The following KDM2B variants were observed in gnomAD, a reference collection of about 807,000 sequenced individuals.
KDM2B encodes lysine demethylase 2B.
A neutral mutation model predicts 150.0 loss-of-function variants in KDM2B; 26 were observed. The ratio of observed to expected loss-of-function variants is 0.17; its 90% confidence interval spans 0.13 to 0.24. KDM2B has a LOEUF of 0.24. Ranked by LOEUF, KDM2B falls within the 10% of genes least tolerant of loss-of-function variation. The pLI, the probability that KDM2B is intolerant of heterozygous loss-of-function variation, is 1.00. For synonymous variants in KDM2B, 734 were observed against 729.5 expected (o/e 1.01, Z -0.10); for missense variants, 1,265 against 1,816.9 (o/e 0.70, Z 5.52).
chr12:121,441,124 T>C lies in KDM2B; in HGVS notation c.3394A>G (p.Ser1132Gly), dbSNP rs781916451. ...IRRQPVSLDL[S>G]WTNISKKQLS... ...TGCTTCTTGGAGATATTGGTCCAGC[T>C]GAGGTCGAGGGAGACGGGCTGTCGC... The change falls in exon 20 of 23, where the codon AGC (serine) becomes GGC (glycine). Residue 1132 changes from serine to glycine, a missense_variant. Physicochemically the swap from Ser to Gly is moderately conservative, Grantham distance 56. Around this residue, in one of 11 missense-constraint regions of KDM2B, gnomAD observed 251 missense variants for 397.8 expected, o/e 0.63. Transcript: ENST00000377071. 5 of 1,614,174 alleles carry C rather than the reference T, an allele frequency of 3.1e-6. No individual in the cohort carries two copies. The highest frequency in any genetic ancestry group is 2.2e-5 in the South Asian group (2 of 91,090).
At chr12:121,532,411 C>T (rs1202768647) in intron 8 of KDM2B, among the ~76,000 whole-genome samples, 1 of 152,160 alleles carries the variant, frequency 6.6e-6, no homozygotes, top group African/African-American at 2.4e-5. Context: ...AATAGAGGCA[C>T]GAAGAAGTGA....
Position 121,521,687 on chromosome 12 carries a change from CT to C in KDM2B, c.932-588del, listed in dbSNP as rs1886702046. On this transcript the variant is annotated intron_variant, in intron 8 of 22. Coordinates refer to ENST00000377071, the MANE Select transcript of KDM2B (RefSeq NM_032590.5). The surrounding 1 kb of genome is among the most constrained non-coding windows in gnomAD (Gnocchi z 4.9). ...CACAACGCCTGCATGCCCCCCTCAG[CT>C]CTGCCCTCCACTCTGCCCCACAGGC... is the stretch of plus-strand genomic sequence containing the variant. 6.6e-6 allele frequency among the ~76,000 whole-genome samples: 1 copy of C among 152,194 alleles called. No homozygotes were observed. The highest frequency in any genetic ancestry group is 1.5e-5 in the Non-Finnish European group (1 of 68,038).
intron 4 of KDM2B, among the ~76,000 whole-genome samples, chr12:121,565,201 A>G (rs1555314638): frequency 2.6e-5 from 4 of 151,968 alleles, no homozygotes; most frequent in Non-Finnish European, 4.4e-5. Context: ...TCATAAAGCT[A>G]GTTAAGACAG....
At position 121,575,139 on chromosome 12, in the gene KDM2B, G is replaced by A. The variant is rs542581458; in HGVS notation, c.351-546C>T. On this transcript the variant is annotated intron_variant, in intron 3 of 22. Transcript: ENST00000377071. The surrounding 1 kb of genome is among the most constrained non-coding windows in gnomAD (Gnocchi z 4.4). ...AGGTTTAAATCCTACTCACAGGGAT[G>A]GACTCTTGAGCAAGTCTGGGAGCAG... Among the ~76,000 whole-genome samples the A allele has an allele frequency of 2.4e-4, 37 of 152,332 alleles. No homozygotes were observed. In the East Asian group the frequency reaches 7.1e-3, roughly 29 times the overall value.
rs1566302056 is a variant in KDM2B, at chr12:121,467,084, C to T, written c.1735-13740G>A. On this transcript the variant is annotated intron_variant, in intron 12 of 22. Coordinates refer to ENST00000377071, the MANE Select transcript of KDM2B (RefSeq NM_032590.5). This position sits in a 1 kb window ranked among gnomAD's most constrained non-coding sequence, Gnocchi z 5.1. ...GCGGCGGCGGCGGCGTCGCGGCCGC[C>T]CTCGGCGCGTCAGACAGGCGGTCGG... 2 of 919,140 alleles carry T rather than the reference C, an allele frequency of 2.2e-6. No individual in the cohort carries two copies. The highest frequency in any genetic ancestry group is 4.4e-5 in the South Asian group (2 of 45,600). 56.9% of individuals were successfully genotyped at this position (919,140 alleles called of 1,614,324 possible). A position where few individuals can be genotyped will look rare whatever the true frequency, so the allele number is the denominator to read the frequency against.
Position 121,442,018 on chromosome 12 carries a change from G to A in KDM2B, c.3284+139C>T. 1 of 705,008 alleles carries A rather than the reference G, an allele frequency of 1.4e-6. No individual in the cohort carries two copies. Among genetic ancestry groups the A allele is most frequent in the Non-Finnish European group, 2.4e-6 (1 of 416,900 alleles). The allele number at this position is 705,008 out of a possible 1,614,324, so 43.7% of individuals were successfully genotyped here. On this transcript the variant is annotated intron_variant, in intron 19 of 22. Coordinates refer to ENST00000377071, the MANE Select transcript of KDM2B (RefSeq NM_032590.5). This position sits in a 1 kb window ranked among gnomAD's most constrained non-coding sequence, Gnocchi z 7.7. ...AAGACCAGAGGGGCCGCTGTAGCCA[G>A]CTGGAACGCTTTGCGGAGCACAATG...
In KDM2B at chr12:121,467,147, G is replaced by T. The variant is rs1384117269; in HGVS notation, c.1735-13803C>A. 8.0e-6 allele frequency: 9 copies of T among 1,122,994 alleles called. No homozygotes were observed. Among genetic ancestry groups the T allele is most frequent in the Non-Finnish European group, 1.0e-5 (9 of 899,014 alleles). 69.6% of individuals were successfully genotyped at this position (1,122,994 alleles called of 1,614,324 possible). Reference sequence around the variant, plus strand: ...CGGGTCCCTCCCTCAGCCCCACCCCGGGCCGCCGACCTGGTCCGGCTCCGA... The same window carrying T: ...CGGGTCCCTCCCTCAGCCCCACCCCTGGCCGCCGACCTGGTCCGGCTCCGA... On this transcript the variant is annotated intron_variant, in intron 12 of 22. Coordinates refer to ENST00000377071, the MANE Select transcript of KDM2B (RefSeq NM_032590.5). The surrounding 1 kb of genome is among the most constrained non-coding windows in gnomAD (Gnocchi z 5.1).
intron 22 of KDM2B, among the ~76,000 whole-genome samples, chr12:121,438,097 T>C (rs1278133263): frequency 1.3e-5 from 2 of 151,516 alleles, no homozygotes. Flanking sequence ...CTACTAAAAA[T>C]ACAAAACTTA....
chr12:121,437,653 A>AG lies in KDM2B; in HGVS notation c.3829+2203dup, dbSNP rs1236759398. Among the ~76,000 whole-genome samples, 6 of 152,214 alleles carry AG rather than the reference A, an allele frequency of 3.9e-5. No homozygotes were observed. The East Asian group carries it at 5.8e-4, about 15-fold the overall frequency. ...GTGAGGATGGGGTAAAGGGAAAGGC[A>AG]GGGGACTGCCTTGAGCACCCAGTAA... is the stretch of plus-strand genomic sequence containing the variant. On this transcript the variant is annotated intron_variant, in intron 22 of 22. Coordinates refer to ENST00000377071, the MANE Select transcript of KDM2B (RefSeq NM_032590.5).
At chr12:121,502,449 C>A (rs570540052) in intron 11 of KDM2B, among the ~76,000 whole-genome samples, 2 of 152,140 alleles carry the variant, frequency 1.3e-5, no homozygotes, top group South Asian at 4.2e-4. Context: ...TGGCGAAACC[C>A]CACCTCTATT....
intron 1 of KDM2B, 96 bp from the exon 2 acceptor site, chr12:121,579,042 G>A (rs1891729896): frequency 1.5e-6 from 2 of 1,350,808 alleles, no homozygotes; most frequent in Admixed American, 2.0e-5. Flanking sequence ...CAGCAGCCGA[G>A]CGCCCCCTGC....
At chr12:121,457,363 G>C (rs1056238518) in intron 12 of KDM2B, among the ~76,000 whole-genome samples, 3 of 152,072 alleles carry the variant, frequency 2.0e-5, no homozygotes, top group Admixed American at 1.3e-4. Context: ...CCGGGTTCAA[G>C]CAATTCTTGT....
Position 121,532,559 on chromosome 12 carries a change from G to C in KDM2B, c.931+247C>G, listed in dbSNP as rs569200531. ...CAGGAAGTCCTGCACAGGGATTCGA[G>C]TCTCCCCTGAGAGGGCCCAAGGCCT... On this transcript the variant is annotated intron_variant, in intron 8 of 22. Transcript: ENST00000377071. Among the ~76,000 whole-genome samples, 194 of 152,334 alleles carry C rather than the reference G, an allele frequency of 1.3e-3. 1 individual carries two copies. The highest frequency in any genetic ancestry group is 2.3e-3 in the Non-Finnish European group (157 of 68,036).
chr12:121,416,111 C>T, the KDM2B span: 8 of 1,504,794 alleles, frequency 5.3e-6, no homozygotes, highest in Non-Finnish European at 7.4e-6. Context: ...TCCCAGAGAG[C>T]CCAGATTCCA....
At chr12:121,438,151 G>A (rs1470359109) in intron 22 of KDM2B, among the ~76,000 whole-genome samples, 1 of 151,570 alleles carries the variant, frequency 6.6e-6, no homozygotes. Context: ...CTACTCGGGA[G>A]ACTGAGGCAG....
chr12:121,542,959 C>T (rs2141846058), intron 6 of KDM2B, among the ~76,000 whole-genome samples: 1 of 152,330 alleles, frequency 6.6e-6, no homozygotes, highest in East Asian at 1.9e-4. Context: ...AATAAATTAA[C>T]ATACTCCTTG....
Position 121,453,454 on chromosome 12 carries a change from G to GTTTAGAGCCCCCATCGT in KDM2B, c.1735-111_1735-110insACGATGGGGGCTCTAAA. ...TGTACCCCCAGAAAGACACGATGGG[G>GTTTAGAGCCCCCATCGT]GCTCTAAACCCCATTCCTCAGAGTG... On this transcript the variant is annotated intron_variant, in intron 12 of 22. Coordinates refer to ENST00000377071, the MANE Select transcript of KDM2B (RefSeq NM_032590.5). This position sits in a 1 kb window ranked among gnomAD's most constrained non-coding sequence, Gnocchi z 6.4. The GTTTAGAGCCCCCATCGT allele has an allele frequency of 2.6e-6, 2 of 762,368 alleles. No individual in the cohort carries two copies. Among genetic ancestry groups the GTTTAGAGCCCCCATCGT allele is most frequent in the Non-Finnish European group, 4.2e-6 (2 of 477,518 alleles). The allele number at this position is 762,368 out of a possible 1,614,324, so 47.2% of individuals were successfully genotyped here.
intron 12 of KDM2B, among the ~76,000 whole-genome samples, chr12:121,486,459 G>A (rs1047918558): frequency 3.4e-4 from 51 of 150,128 alleles, no homozygotes; most frequent in African/African-American, 1.1e-3. Flanking sequence ...GATTACAGGC[G>A]TGAGCCACTG....
chr12:121,444,315 C>T (rs1555289572), intron 15 of KDM2B, 43 bp from the exon 16 acceptor site: 1 of 1,609,666 alleles, frequency 6.2e-7, no homozygotes, highest in Non-Finnish European at 8.5e-7. Context: ...AACTGTATAC[C>T]TTTGGACTTG....
Sources: gnomAD v4.1 joint callset for allele counts (sites outside exome capture counted in the v4.1 genomes callset) on GRCh38, gnomAD v4.1.1 for gene constraint, gnomAD v4.1.1 regional missense constraint, Gnocchi (gnomAD v3.1) non-coding constraint, MANE v1.5 for transcripts, NCBI Gene and HGNC (gene_info 2026-07-23, HGNC 2026-07-21) for gene names.